TFAP2A: variants seen among roughly 807,000 people sequenced by gnomAD.
TFAP2A encodes the protein transcription factor AP-2 alpha.
In TFAP2A, 7 loss-of-function variants were observed where a neutral mutation model predicts 41.5. The ratio of observed to expected loss-of-function variants is 0.17; its 90% CI spans 0.10 to 0.32. The LOEUF is 0.32. Ranked by LOEUF, TFAP2A falls within the 10% of genes least tolerant of loss-of-function variation. TFAP2A has a pLI of 1.00. For missense variants in TFAP2A, 416 were observed against 563.3 expected (o/e 0.74, Z 2.65); for synonymous variants, 247 against 242.8 (o/e 1.02, Z -0.16).
chr6:10,410,106 T>A lies in TFAP2A; in HGVS notation c.281A>T (p.Gln94Leu). 1 of 1,612,266 alleles carries A rather than the reference T, an allele frequency of 6.2e-7. No individual in the cohort carries two copies. The highest frequency in any genetic ancestry group is 2.2e-5 in the East Asian group (1 of 44,818). ...CCTCTGGCCGGGCCAGCCTGGGTGC[T>A]GCGGCTGCGGCTGGGCGTGCAGGGG... ...LNPLHAQPQP[Q>L]HPGWPGQRQS... is the part of the protein sequence containing the mutation. Residue 94 changes from glutamine (Q) to leucine (L), a missense_variant, in exon 2 of 7, where the codon CAG becomes CTG. Physicochemically the swap from Gln to Leu is moderately radical, Grantham distance 113 (BLOSUM62 -2). Transcript: ENST00000379613.
Position 10,410,322 on chromosome 6 carries a change from C to A in TFAP2A, c.65G>T (p.Gly22Val), listed in dbSNP as rs143258135. The change falls in exon 2 of 7, where the codon GGC (glycine) becomes GTC (valine). Residue 22 changes from glycine (G) to valine (V), a missense_variant. Coordinates refer to ENST00000379613, the MANE Select transcript of TFAP2A (RefSeq NM_001372066.1). ...CAACCGTGCCGTCCCGTTGCTGGTG[C>A]CGTCGTGACGGTCCTAGAAGAGAGC... ...KYEDCEDRHDGTSNGTARLPQ... is the reference protein window; with the variant it reads ...KYEDCEDRHDVTSNGTARLPQ... 4.2e-5 allele frequency: 67 copies of A among 1,611,474 alleles called. No individual in the cohort carries two copies. In the African/African-American group the frequency reaches 4.3e-4, roughly 10 times the overall value.
chr6:10,412,269 G>A (rs1758008182), intron 1 of TFAP2A: 2 of 987,920 alleles, frequency 2.0e-6, no homozygotes, highest in Non-Finnish European at 1.2e-6. Flanking sequence ...ACAGGGAAGG[G>A]GCAACATTTT....
chr6:10,417,281 C>T (rs1187712571), upstream of TFAP2A: 1 of 152,410 alleles, frequency 6.6e-6, no homozygotes, highest in Non-Finnish European at 1.5e-5. Flanking sequence ...CCCGCTGCCC[C>T]GCGCCCAACA....
intron 1 of TFAP2A, chr6:10,412,146 G>C (rs993667673): frequency 2.0e-6 from 2 of 991,044 alleles, no homozygotes; most frequent in Admixed American, 1.2e-4. Flanking sequence ...TCCATTGACG[G>C]GAGTCTCAGT....
At chr6:10,415,203 G>C, upstream of TFAP2A, 2 of 1,486,710 alleles carry the variant, frequency 1.3e-6, no homozygotes, top group Admixed American at 4.1e-5. Flanking sequence ...CGAGGAGAAG[G>C]GCGAGGAGGA....
intron 4 of TFAP2A, among the ~76,000 whole-genome samples, chr6:10,404,280 T>A (rs369249926): frequency 7.2e-5 from 11 of 152,262 alleles, no homozygotes; most frequent in Admixed American, 6.5e-4. Context: ...GCACCAGAAC[T>A]CGCTCGCGGG....
Position 10,396,942 on chromosome 6 carries a change from G to A in TFAP2A, c.*1475C>T, listed in dbSNP as rs1375793545. The A allele has an allele frequency of 1.3e-5, 2 of 152,554 alleles. No homozygotes were observed. The highest frequency in any genetic ancestry group is 2.9e-5 in the Non-Finnish European group (2 of 68,032). 9.5% of individuals were successfully genotyped at this position (152,554 alleles called of 1,614,324 possible). On this transcript the variant is annotated 3_prime_UTR_variant, in exon 7 of 7. Coordinates refer to ENST00000379613, the MANE Select transcript of TFAP2A (RefSeq NM_001372066.1). ...CTTATTGCAAGGAGCAATTGCCAAG[G>A]GAGAGTTAAACTCAATTACTGTAAC...
At chr6:10,400,675 C>G (rs1257886801) in intron 5 of TFAP2A, 86 bp from the exon 6 acceptor site, 8 of 1,463,970 alleles carry the variant, frequency 5.5e-6, no homozygotes, top group Non-Finnish European at 7.6e-6. Flanking sequence ...CTCCCTAATT[C>G]CCTTCACCCC....
At chr6:10,415,919 T>A (rs1758224372), upstream of TFAP2A, 1 of 152,246 alleles carries the variant, frequency 6.6e-6, no homozygotes. Context: ...ATAAAAGTTG[T>A]ACCCTGAAGA....
Position 10,397,932 on chromosome 6 carries a change from G to A in TFAP2A, c.*485C>T, listed in dbSNP as rs1368962252. ...CTTTTGGCTTTTTTTTTTTTTTTAA[G>A]TATGGCTACAATCTGAACTGAAGTA... On this transcript the variant is annotated 3_prime_UTR_variant, in exon 7 of 7. Transcript: ENST00000379613. 3.3e-6 allele frequency: 3 copies of A among 901,836 alleles called. No individual in the cohort carries two copies. Among genetic ancestry groups the A allele is most frequent in the Non-Finnish European group, 4.0e-6 (3 of 757,234 alleles). 55.9% of individuals were successfully genotyped at this position (901,836 alleles called of 1,614,324 possible).
intron 1 of TFAP2A, chr6:10,410,775 T>C (rs1008287129): frequency 5.6e-6 from 1 of 177,622 alleles, no homozygotes; most frequent in African/African-American, 2.4e-5. Context: ...ATCATAAACG[T>C]TCAAAGACTG....
intron 1 of TFAP2A, chr6:10,411,529 A>G (rs779352573): frequency 9.3e-6 from 15 of 1,607,744 alleles, no homozygotes; most frequent in Admixed American, 5.0e-5. Flanking sequence ...CCAGAATCCA[A>G]TTCCTAAAGA....
intron 1 of TFAP2A, among the ~76,000 whole-genome samples, chr6:10,414,207 C>A (rs1758139093): frequency 6.6e-6 from 1 of 152,356 alleles, no homozygotes; most frequent in Non-Finnish European, 1.5e-5. Flanking sequence ...CAGCGGCCAG[C>A]AGGCTCGGCG....
chr6:10,415,981 G>A (rs1226110386), upstream of TFAP2A: 2 of 152,244 alleles, frequency 1.3e-5, no homozygotes, highest in African/African-American at 4.8e-5. Context: ...TTTGTGTGAA[G>A]CTAGGGCCAA....
intron 3 of TFAP2A, chr6:10,406,534 G>T: frequency 3.7e-6 from 2 of 537,504 alleles, no homozygotes; most frequent in Non-Finnish European, 6.7e-6. Flanking sequence ...TTCAACTACT[G>T]TACATTTTGT....
chr6:10,419,543 C>T (rs935313905), upstream of TFAP2A: 20 of 1,483,414 alleles, frequency 1.3e-5, no homozygotes, highest in Middle Eastern at 3.4e-4. Context: ...GGCAAATCCT[C>T]CTTTTTTACC....
At chr6:10,402,253 G>A (rs372123221) in intron 5 of TFAP2A, 1 of 601,286 alleles carries the variant, frequency 1.7e-6, no homozygotes, top group Non-Finnish European at 3.2e-6. Flanking sequence ...GTTTAGCTCA[G>A]AATTAGGCTG....
At chr6:10,419,452 G>T, upstream of TFAP2A, 1 of 1,614,030 alleles carries the variant, frequency 6.2e-7, no homozygotes, top group East Asian at 2.2e-5. Context: ...TATGGACATC[G>T]CGGCTCTGCG....
chr6:10,413,893 G>T (rs1353719419), intron 1 of TFAP2A, among the ~76,000 whole-genome samples: 3 of 151,858 alleles, frequency 2.0e-5, no homozygotes, highest in Non-Finnish European at 4.4e-5. Flanking sequence ...GCAAAAGTTG[G>T]GACTGCCACC....
Sources: gnomAD v4.1 joint callset for allele counts (sites outside exome capture counted in the v4.1 genomes callset) on GRCh38, gnomAD v4.1.1 for gene constraint, MANE v1.5 for transcripts, NCBI Gene and HGNC (gene_info 2026-07-23, HGNC 2026-07-21) for gene names.